ADK: variants seen among roughly 807,000 people sequenced by gnomAD.
ADK encodes the protein adenosine kinase.
In ADK, 24 loss-of-function variants were observed where a neutral mutation model predicts 44.7. The observed-to-expected ratio is 0.54, with a 90% CI of 0.39 to 0.76. The LOEUF (loss-of-function observed/expected upper bound fraction) is 0.76, where lower values mean the gene tolerates loss of function less well. Ranked by LOEUF, ADK falls within the 30% of genes least tolerant of loss-of-function variation. The pLI is 0.00. For synonymous variants in ADK, 128 were observed against 142.6 expected, an observed-to-expected ratio of 0.90 and a Z score of 0.73; for missense variants, 321 against 425.1, an observed-to-expected ratio of 0.76 and a Z score of 2.15.
intron 7 of ADK, among the ~76,000 whole-genome samples, chr10:74,529,574 A>G (rs1406958254): frequency 6.6e-6 from 1 of 152,216 alleles, no homozygotes; most frequent in Non-Finnish European, 1.5e-5. Context: ...TAAACTTAAA[A>G]GTTGGATCAC....
intron 7 of ADK, among the ~76,000 whole-genome samples, chr10:74,566,510 T>G (rs961954129): frequency 6.6e-6 from 1 of 152,164 alleles, no homozygotes; most frequent in African/African-American, 2.4e-5. Context: ...GCCTGTTTTC[T>G]CTTTCTTTTC....
intron 6 of ADK, among the ~76,000 whole-genome samples, chr10:74,435,619 A>T (rs1845155758): frequency 6.6e-6 from 1 of 152,218 alleles, no homozygotes; most frequent in African/African-American, 2.4e-5. Context: ...AGAGATGCAC[A>T]CCTGGCCTCA....
At chr10:74,510,664 G>A (rs1848272672) in intron 6 of ADK, among the ~76,000 whole-genome samples, 1 of 152,202 alleles carries the variant, frequency 6.6e-6, no homozygotes, top group East Asian at 1.9e-4. Flanking sequence ...CATTTCACCT[G>A]TGTTTTCTTC....
At chr10:74,699,740 T>C (rs1419814402) in intron 10 of ADK, among the ~76,000 whole-genome samples, 1 of 152,074 alleles carries the variant, frequency 6.6e-6, no homozygotes, top group Non-Finnish European at 1.5e-5. Context: ...AAGCAAAAGA[T>C]AAAAATTAAT....
chr10:74,323,337 G>A lies in ADK; in HGVS notation c.273+8592G>A, dbSNP rs373799450. ...TCTTTGCCATTTAAATGATACAGTG[G>A]TACTGTCAGCTGTCATTGTTCTTGA... is the stretch of plus-strand genomic sequence containing the variant. On this transcript the variant is annotated intron_variant, in intron 4 of 10. Coordinates refer to ENST00000539909, the MANE Select transcript of ADK (RefSeq NM_006721.4). 1.5e-4 allele frequency among the ~76,000 whole-genome samples: 23 copies of A among 152,218 alleles called. 2 individuals are homozygous for A. Among genetic ancestry groups the A allele is most frequent in the Admixed American group, 7.2e-4 (11 of 15,296 alleles).
At chr10:74,603,479 A>G (rs575899350) in intron 9 of ADK, among the ~76,000 whole-genome samples, 5 of 152,132 alleles carry the variant, frequency 3.3e-5, no homozygotes, top group Admixed American at 1.3e-4. Flanking sequence ...TCATTGTTCA[A>G]TTCCCACTTA....
intron 6 of ADK, among the ~76,000 whole-genome samples, chr10:74,490,435 C>G (rs1847435133): frequency 6.6e-6 from 1 of 152,084 alleles, no homozygotes; most frequent in Admixed American, 6.6e-5. Context: ...AGTGTAGTTA[C>G]AAATGCAGTC....
chr10:74,605,844 A>G (rs769562685), intron 9 of ADK, among the ~76,000 whole-genome samples: 1 of 152,250 alleles, frequency 6.6e-6, no homozygotes, highest in Non-Finnish European at 1.5e-5. Flanking sequence ...TACCTCTGAT[A>G]GAATTCAGTT....
chr10:74,443,047 G>A (rs1175297206), intron 6 of ADK, among the ~76,000 whole-genome samples: 6 of 152,116 alleles, frequency 3.9e-5, no homozygotes, highest in Admixed American at 3.9e-4. Context: ...GTCGTGGGGT[G>A]TAAACTTTTA....
intron 6 of ADK, among the ~76,000 whole-genome samples, chr10:74,474,724 T>C (rs961679694): frequency 6.6e-6 from 1 of 152,168 alleles, no homozygotes; most frequent in Non-Finnish European, 1.5e-5. Context: ...AATTTCACTG[T>C]GTTGCCCAGG....
chr10:74,251,936 G>A (rs938054747), intron 3 of ADK, among the ~76,000 whole-genome samples: 7 of 113,412 alleles, frequency 6.2e-5, no homozygotes, highest in African/African-American at 1.4e-4. Context: ...CCTCTTTACC[G>A]TGTGATGTGA....
chr10:74,661,483 A>G (rs1564841122), intron 9 of ADK, among the ~76,000 whole-genome samples: 1 of 152,216 alleles, frequency 6.6e-6, no homozygotes, highest in Non-Finnish European at 1.5e-5. Context: ...GAGATAAAGT[A>G]TACAAAGCAT....
At chr10:74,307,920 C>G (rs1383893020) in intron 3 of ADK, among the ~76,000 whole-genome samples, 4 of 152,122 alleles carry the variant, frequency 2.6e-5, no homozygotes. Flanking sequence ...ATTTTGAGAA[C>G]CACTGTCCTG....
intron 3 of ADK, among the ~76,000 whole-genome samples, chr10:74,303,588 G>GTTGTTTTTTTTTTTTTTTTTTTT (rs1840139803): frequency 1.5e-5 from 1 of 68,576 alleles, no homozygotes; most frequent in African/African-American, 7.9e-5. Context: ...TTTTAATGTT[G>GTTGTTTTTTTTTTTTTTTTTTTT]TTTTTTTTTT....
chr10:74,463,162 T>A (rs1275171494), intron 6 of ADK, among the ~76,000 whole-genome samples: 2 of 152,168 alleles, frequency 1.3e-5, no homozygotes, highest in African/African-American at 4.8e-5. Context: ...CCCCAACCTT[T>A]TTGGCACCAA....
chr10:74,221,857 T>A (rs1335553765), intron 2 of ADK, among the ~76,000 whole-genome samples: 1 of 150,778 alleles, frequency 6.6e-6, no homozygotes, highest in African/African-American at 2.5e-5. Context: ...TTACACCTTA[T>A]ACAAAAATCA....
At chr10:74,438,221 CCTCT>C (rs922395770) in intron 6 of ADK, among the ~76,000 whole-genome samples, 6 of 150,212 alleles carry the variant, frequency 4.0e-5, no homozygotes, top group Non-Finnish European at 7.4e-5. Flanking sequence ...AAGGTCCTTG[CCTCT>C]CTCTCTCTTT....
intron 4 of ADK, among the ~76,000 whole-genome samples, chr10:74,316,641 A>AC (rs1840630665): frequency 6.6e-6 from 1 of 152,294 alleles, no homozygotes; most frequent in South Asian, 2.1e-4. Flanking sequence ...GACATGCTGA[A>AC]CTGTGAGTCA....
intron 4 of ADK, among the ~76,000 whole-genome samples, chr10:74,335,988 C>T (rs1022245633): frequency 2.0e-5 from 3 of 151,938 alleles, no homozygotes; most frequent in African/African-American, 7.3e-5. Flanking sequence ...TTTTCATTTT[C>T]CTAACAATGT....
Sources: gnomAD v4.1 joint callset for allele counts (sites outside exome capture counted in the v4.1 genomes callset) on GRCh38, gnomAD v4.1.1 for gene constraint, MANE v1.5 for transcripts, NCBI Gene and HGNC (gene_info 2026-07-23, HGNC 2026-07-21) for gene names.